ULK4: variants seen among roughly 807,000 people sequenced by gnomAD.
ULK4 encodes inactive serine/threonine-protein kinase ULK4.
ULK4 carries 133 observed loss-of-function variants against 160.6 expected under a neutral mutation model. The ratio of observed to expected loss-of-function variants is 0.83; its 90% confidence interval spans 0.72 to 0.96. The LOEUF is 0.96. Ranked by LOEUF, ULK4 falls within the 40% of genes least tolerant of loss-of-function variation. The pLI, the probability that ULK4 is intolerant of heterozygous loss-of-function variation, is 0.00. For missense variants in ULK4, 1,580 were observed against 1,499.5 expected (o/e 1.05, Z -0.89); for synonymous variants, 534 against 539.8 (o/e 0.99, Z 0.15).
At chr3:41,762,694 GCT>G (rs2039027974) in intron 21 of ULK4, among the ~76,000 whole-genome samples, 1 of 125,664 alleles carries the variant, frequency 8.0e-6, no homozygotes, top group Non-Finnish European at 1.6e-5. Context: ...ACAGAGTCTC[GCT>G]CTGTCGCCCA....
intron 31 of ULK4, among the ~76,000 whole-genome samples, chr3:41,574,458 T>C (rs2088111163): frequency 6.6e-6 from 1 of 151,110 alleles, no homozygotes; most frequent in African/African-American, 2.4e-5. Flanking sequence ...ATTGGCATCC[T>C]TAGCAGGGAC....
intron 17 of ULK4, among the ~76,000 whole-genome samples, chr3:41,883,439 T>A (rs1197950229): frequency 6.6e-6 from 1 of 152,194 alleles, no homozygotes; most frequent in Non-Finnish European, 1.5e-5. Flanking sequence ...CATTACCAAT[T>A]AAGTGTAACA....
intron 22 of ULK4, among the ~76,000 whole-genome samples, chr3:41,743,552 AAC>A (rs1258126747): frequency 6.6e-6 from 1 of 152,052 alleles, no homozygotes; most frequent in Non-Finnish European, 1.5e-5. Flanking sequence ...AGGTAGATGC[AAC>A]AGTCTAATTT....
chr3:41,346,267 T>C (rs1172794508), intron 35 of ULK4, among the ~76,000 whole-genome samples: 1 of 152,118 alleles, frequency 6.6e-6, no homozygotes, highest in Non-Finnish European at 1.5e-5. Context: ...GGGGCTGTCT[T>C]TTCTTCTCAC....
chr3:41,823,479 G>A (rs1019510861), intron 18 of ULK4, among the ~76,000 whole-genome samples: 1 of 152,192 alleles, frequency 6.6e-6, no homozygotes, highest in Non-Finnish European at 1.5e-5. Context: ...CAGGGTGATA[G>A]GTATCCTTGA....
intron 29 of ULK4, among the ~76,000 whole-genome samples, chr3:41,675,870 T>G (rs1347511823): frequency 6.6e-6 from 1 of 152,238 alleles, no homozygotes; most frequent in Non-Finnish European, 1.5e-5. Context: ...TCTGGCTTCC[T>G]GAATTGTTAA....
chr3:41,845,318 C>G (rs535117714), intron 17 of ULK4, among the ~76,000 whole-genome samples: 13 of 152,242 alleles, frequency 8.5e-5, no homozygotes, highest in South Asian at 2.1e-4. Context: ...TTCAACCACA[C>G]CACAGAATAC....
At chr3:41,682,792 A>G (rs190958255) in intron 27 of ULK4, among the ~76,000 whole-genome samples, 163 of 152,352 alleles carry the variant, frequency 1.1e-3, no homozygotes, top group African/African-American at 3.8e-3. Context: ...GAGAACTCCA[A>G]ACTTCCAGTT....
chr3:41,703,409 A>G (rs2125825181), intron 27 of ULK4, among the ~76,000 whole-genome samples: 1 of 152,296 alleles, frequency 6.6e-6, no homozygotes, highest in African/African-American at 2.4e-5. Flanking sequence ...ACATTTAAGT[A>G]CATATATATT....
At chr3:41,907,513 G>A (rs1575926769) in intron 12 of ULK4, among the ~76,000 whole-genome samples, 1 of 151,876 alleles carries the variant, frequency 6.6e-6, no homozygotes, top group East Asian at 1.9e-4. Context: ...TGGCCAGGCT[G>A]GTCTCCAACT....
intron 34 of ULK4, among the ~76,000 whole-genome samples, chr3:41,439,392 T>G (rs147285896): frequency 6.6e-6 from 1 of 152,006 alleles, no homozygotes; most frequent in African/African-American, 2.4e-5. Context: ...CTTGATGAAC[T>G]TGGATAGGAA....
chr3:41,481,118 T>C (rs1248750947), intron 32 of ULK4, among the ~76,000 whole-genome samples: 1 of 152,210 alleles, frequency 6.6e-6, no homozygotes, highest in Admixed American at 6.5e-5. Context: ...AGTAGGCTAT[T>C]AGTAGTTAGG....
chr3:41,457,731 C>T (rs570169579), intron 33 of ULK4, among the ~76,000 whole-genome samples: 6 of 152,180 alleles, frequency 3.9e-5, no homozygotes, highest in Non-Finnish European at 7.3e-5. Flanking sequence ...GTACAGGGCC[C>T]GTGTCCCTGT....
chr3:41,929,498 C>A (rs897399239), intron 5 of ULK4, among the ~76,000 whole-genome samples: 2 of 152,144 alleles, frequency 1.3e-5, no homozygotes, highest in Non-Finnish European at 2.9e-5. Flanking sequence ...TCAGGGCAAT[C>A]AGGCAAGAGA....
intron 31 of ULK4, among the ~76,000 whole-genome samples, chr3:41,579,930 G>C (rs1378117302): frequency 1.3e-5 from 2 of 152,160 alleles, no homozygotes; most frequent in Non-Finnish European, 2.9e-5. Flanking sequence ...GAGCAGAAAA[G>C]CAAGTGCAAT....
chr3:41,884,056 G>C, intron 16 of ULK4, 104 bp from the exon 17 acceptor site: 2 of 819,652 alleles, frequency 2.4e-6, no homozygotes, highest in Non-Finnish European at 4.1e-6. Flanking sequence ...ATATAAGACT[G>C]AGAAATAAAA....
chr3:41,337,902 T>C (rs1575445473), intron 35 of ULK4, among the ~76,000 whole-genome samples: 1 of 152,274 alleles, frequency 6.6e-6, no homozygotes, highest in Non-Finnish European at 1.5e-5. Context: ...CTGGTAAAGA[T>C]GGACACTGAA....
In ULK4 at chr3:41,354,194, G is replaced by A. The variant is rs1007286479; in HGVS notation, c.3678+43885C>T. On this transcript the variant is annotated intron_variant, in intron 35 of 36. Coordinates refer to ENST00000301831, the MANE Select transcript of ULK4 (RefSeq NM_017886.4). ...CAGTCCAGTGTGAGCCACGTAAGAG[G>A]GTGACTATCCTTGGTTCATTGTTGA... 3.9e-5 allele frequency among the ~76,000 whole-genome samples: 6 copies of A among 152,118 alleles called. 1 individual carries two copies. The highest frequency in any genetic ancestry group is 2.6e-4 in the Admixed American group (4 of 15,270).
chr3:41,705,096 T>C lies in ULK4; in HGVS notation c.2742A>G (p.Ile914Met), dbSNP rs1459345109. 2 of 1,613,990 alleles carry C rather than the reference T, an allele frequency of 1.2e-6. No homozygotes were observed. The highest frequency in any genetic ancestry group is 1.7e-5 in the Admixed American group (1 of 60,008). The change falls in exon 27 of 37, where the codon ATA becomes ATG. Residue 914 changes from isoleucine to methionine, a missense_variant. Transcript: ENST00000301831. ...IKITLSAFEA[I>M]IQYPILLKDY... ...CTTTCAATAAAATAGGATACTGTAT[T>C]ATTGCTTCAAAAGCTGACAATGTGA...
Sources: gnomAD v4.1 joint callset for allele counts (sites outside exome capture counted in the v4.1 genomes callset) on GRCh38, gnomAD v4.1.1 for gene constraint, MANE v1.5 for transcripts, NCBI Gene and HGNC (gene_info 2026-07-23, HGNC 2026-07-21) for gene names.